MCTP1: variants seen among roughly 807,000 people sequenced by gnomAD.
MCTP1 encodes the protein multiple C2 and transmembrane domain containing 1, also known as multiple C2 and transmembrane domain-containing protein 1.
Under a neutral mutation model 120.6 loss-of-function variants are expected in MCTP1, and 69 were observed. The ratio of observed to expected loss-of-function variants is 0.57; its 90% CI spans 0.47 to 0.70. MCTP1 has a LOEUF of 0.70. Ranked by LOEUF, MCTP1 falls within the 30% of genes least tolerant of loss-of-function variation. The pLI is 0.00. For synonymous variants in MCTP1, 529 were observed against 493.1 expected, an observed-to-expected ratio of 1.07 and a Z score of -0.96; for missense variants, 1,203 against 1,248.8, an observed-to-expected ratio of 0.96 and a Z score of 0.55.
At chr5:95,270,102 A>T (rs1759244007) in intron 1 of MCTP1, among the ~76,000 whole-genome samples, 1 of 152,210 alleles carries the variant, frequency 6.6e-6, no homozygotes, top group African/African-American at 2.4e-5. Context: ...TAACAAAAAT[A>T]ATGATGGTGA....
chr5:94,866,520 C>G (rs1257961299), intron 17 of MCTP1, among the ~76,000 whole-genome samples: 4 of 149,100 alleles, frequency 2.7e-5, no homozygotes, highest in Non-Finnish European at 5.9e-5. Flanking sequence ...CAGGCCCCTT[C>G]CCACCTTTAC....
intron 16 of MCTP1, among the ~76,000 whole-genome samples, chr5:94,869,997 C>T (rs551452968): frequency 2.0e-5 from 3 of 152,176 alleles, no homozygotes; most frequent in African/African-American, 4.8e-5. Flanking sequence ...ATACTGGGCT[C>T]GCTTTACACA....
At chr5:95,262,464 C>T (rs1758549992) in intron 1 of MCTP1, among the ~76,000 whole-genome samples, 1 of 152,018 alleles carries the variant, frequency 6.6e-6, no homozygotes, top group Non-Finnish European at 1.5e-5. Context: ...GTGAGGAAAT[C>T]AGACATAAAA....
rs954317316 is a variant in MCTP1 at position 95,081,712 on chromosome 5, T to C, written c.721-64228A>G. 6 of 1,267,154 alleles carry C rather than the reference T, an allele frequency of 4.7e-6. No homozygotes were observed. The African/African-American group carries it at 9.0e-5, about 19-fold the overall frequency. The allele number at this position is 1,267,154 out of a possible 1,614,324, so 78.5% of individuals were successfully genotyped here. A position where few individuals can be genotyped will look rare whatever the true frequency, so the allele number is the denominator to read the frequency against. On this transcript the variant is annotated intron_variant, in intron 1 of 22. Coordinates refer to ENST00000515393, the MANE Select transcript of MCTP1 (RefSeq NM_024717.7). ...AGATTCACAGGATATGACTCAACTCTCAAACCAGTAAGGGAAGAGTTTCCC... is the reference window on the plus strand; with the variant it reads ...AGATTCACAGGATATGACTCAACTCCCAAACCAGTAAGGGAAGAGTTTCCC...
intron 12 of MCTP1, among the ~76,000 whole-genome samples, chr5:94,880,974 C>T (rs1430346715): frequency 6.6e-6 from 1 of 152,098 alleles, no homozygotes; most frequent in Non-Finnish European, 1.5e-5. Context: ...CTGTCCTCTG[C>T]TGGACACTGT....
At chr5:94,901,137 C>T (rs747803916) in intron 10 of MCTP1, among the ~76,000 whole-genome samples, 9 of 152,190 alleles carry the variant, frequency 5.9e-5, no homozygotes, top group Non-Finnish European at 1.0e-4. Context: ...TTAATTGACT[C>T]ACAGTTCCAC....
intron 1 of MCTP1, among the ~76,000 whole-genome samples, chr5:95,213,711 A>G (rs1190621618): frequency 2.0e-5 from 3 of 151,836 alleles, no homozygotes; most frequent in African/African-American, 7.3e-5. Context: ...ATAATGCCAC[A>G]TATCTACAAC....
chr5:95,059,091 T>C (rs577553020), intron 1 of MCTP1, among the ~76,000 whole-genome samples: 51 of 152,218 alleles, frequency 3.4e-4, no homozygotes, highest in African/African-American at 1.2e-3. Flanking sequence ...AGAAAACAAA[T>C]CTTTCTACTA....
intron 1 of MCTP1, among the ~76,000 whole-genome samples, chr5:95,070,890 GGTTGGGAGA>G (rs1751970603): frequency 6.6e-6 from 1 of 152,184 alleles, no homozygotes; most frequent in South Asian, 2.1e-4. Context: ...TGGTTAAGGT[GGTTGGGAGA>G]GTTGGGAGAA....
chr5:95,046,439 G>C (rs1333006902), intron 1 of MCTP1, among the ~76,000 whole-genome samples: 1 of 152,070 alleles, frequency 6.6e-6, no homozygotes, highest in African/African-American at 2.4e-5. Context: ...CTTTTATTTG[G>C]ATGTTACTTC....
At chr5:94,951,984 C>T (rs1479980172) in intron 3 of MCTP1, among the ~76,000 whole-genome samples, 2 of 151,878 alleles carry the variant, frequency 1.3e-5, no homozygotes, top group African/African-American at 4.8e-5. Flanking sequence ...CCAGCCTGGC[C>T]AGCATGGTGA....
At chr5:94,864,207 C>T (rs1413860829) in intron 17 of MCTP1, among the ~76,000 whole-genome samples, 1 of 151,832 alleles carries the variant, frequency 6.6e-6, no homozygotes, top group African/African-American at 2.4e-5. Context: ...AGTAGCCCTC[C>T]AGATATGAAC....
At chr5:95,177,203 A>G (rs1748097321) in intron 1 of MCTP1, among the ~76,000 whole-genome samples, 1 of 151,828 alleles carries the variant, frequency 6.6e-6, no homozygotes, top group Admixed American at 6.6e-5. Flanking sequence ...ACACAGAGAG[A>G]AAGAGATTTA....
chr5:95,062,141 A>G (rs1749391938), intron 1 of MCTP1, among the ~76,000 whole-genome samples: 1 of 152,360 alleles, frequency 6.6e-6, no homozygotes, highest in Admixed American at 6.5e-5. Context: ...TTGATCAATG[A>G]ATGGGATTTG....
At chr5:94,873,691 C>A (rs2153325212) in intron 12 of MCTP1, among the ~76,000 whole-genome samples, 1 of 151,916 alleles carries the variant, frequency 6.6e-6, no homozygotes, top group Non-Finnish European at 1.5e-5. Flanking sequence ...GATTTCTAAT[C>A]AAATTTATTC....
intron 1 of MCTP1, among the ~76,000 whole-genome samples, chr5:95,052,488 A>G (rs1746254872): frequency 6.6e-6 from 1 of 152,336 alleles, no homozygotes; most frequent in Admixed American, 6.5e-5. Context: ...CTAGGGATGT[A>G]AGGCTAAAAC....
At chr5:95,240,107 G>A (rs1755997757) in intron 1 of MCTP1, among the ~76,000 whole-genome samples, 1 of 151,918 alleles carries the variant, frequency 6.6e-6, no homozygotes, top group African/African-American at 2.4e-5. Flanking sequence ...TTTTATAACT[G>A]TATATGTATT....
chr5:95,057,447 T>C (rs1747709466), intron 1 of MCTP1, among the ~76,000 whole-genome samples: 14 of 152,220 alleles, frequency 9.2e-5, no homozygotes, highest in Admixed American at 9.2e-4. Context: ...CACTTTACTT[T>C]CCATATTAGA....
chr5:95,223,026 T>C (rs549685785), intron 1 of MCTP1, among the ~76,000 whole-genome samples: 1 of 152,352 alleles, frequency 6.6e-6, no homozygotes, highest in South Asian at 2.1e-4. Flanking sequence ...CTTTTCATTC[T>C]ATTCAGTCCT....
Sources: allele counts gnomAD v4.1 joint callset (sites outside exome capture counted in the v4.1 genomes callset), GRCh38; gene constraint gnomAD v4.1.1; transcripts MANE v1.5; gene names NCBI Gene and HGNC (gene_info 2026-07-23, HGNC 2026-07-21).